The following CSMD1 variants were observed in gnomAD, a reference collection of about 807,000 sequenced individuals.
CSMD1 encodes CUB and sushi domain-containing protein 1.
In CSMD1, 213 loss-of-function variants were observed where a neutral mutation model predicts 417.5. That is an observed-to-expected ratio of 0.51 (90% CI 0.46 to 0.57). The LOEUF is 0.57. Among genes scored for constraint, CSMD1 ranks in the 20% least tolerant of loss-of-function variants. The probability of loss-of-function intolerance (pLI) is 0.00; values close to 1 mark genes in which losing one functional copy is unlikely to be tolerated. For missense variants in CSMD1, 6,923 were observed against 4,529.7 expected, an observed-to-expected ratio of 1.53 and a Z score of -15.17; for synonymous variants, 2,862 against 1,736.8, an observed-to-expected ratio of 1.65 and a Z score of -16.11.
chr8:4,738,156 T>C (rs1337208514), intron 1 of CSMD1, among the ~76,000 whole-genome samples: 3 of 152,118 alleles, frequency 2.0e-5, no homozygotes, highest in African/African-American at 7.2e-5. Context: ...AAACAGAATA[T>C]CAGGTTAGTT....
chr8:3,994,604 A>G (rs1372682749), intron 5 of CSMD1, among the ~76,000 whole-genome samples: 1 of 152,142 alleles, frequency 6.6e-6, no homozygotes, highest in Non-Finnish European at 1.5e-5. Context: ...AACCTGCATG[A>G]AATTAGAATC....
At chr8:4,109,362 T>C (rs1563135085) in intron 3 of CSMD1, among the ~76,000 whole-genome samples, 2 of 152,156 alleles carry the variant, frequency 1.3e-5, no homozygotes. Flanking sequence ...TCTTATTTCA[T>C]AGATTTACTG....
chr8:3,291,372 T>C (rs1803546969), intron 25 of CSMD1, among the ~76,000 whole-genome samples: 1 of 152,010 alleles, frequency 6.6e-6, no homozygotes, highest in Non-Finnish European at 1.5e-5. Flanking sequence ...CATCTTTTTC[T>C]TTTGATTGGA....
In CSMD1 at chr8:4,779,885, G is replaced by A. The variant is rs571221320; in HGVS notation, c.86-142327C>T. Reference sequence around the variant, plus strand: ...AACTGCTCCCCAGGCTTGCTGCTTCGGGGCCTTGCTTTTTCTTTTTTCTTT... The same window carrying A: ...AACTGCTCCCCAGGCTTGCTGCTTCAGGGCCTTGCTTTTTCTTTTTTCTTT... On this transcript the variant is annotated intron_variant, in intron 1 of 69. Transcript: ENST00000635120. 3.3e-5 allele frequency among the ~76,000 whole-genome samples: 5 copies of A among 152,098 alleles called. No homozygotes were observed. The South Asian group carries it at 6.2e-4, about 19-fold the overall frequency.
intron 3 of CSMD1, among the ~76,000 whole-genome samples, chr8:4,209,771 T>C (rs760284568): frequency 5.9e-5 from 9 of 152,314 alleles, no homozygotes; most frequent in South Asian, 2.1e-4. Flanking sequence ...CCATAGGCCA[T>C]GTGCCCAGAG....
chr8:4,750,084 C>T (rs1217731620), intron 1 of CSMD1, among the ~76,000 whole-genome samples: 5 of 152,158 alleles, frequency 3.3e-5, no homozygotes, highest in African/African-American at 4.8e-5. Flanking sequence ...CGGCTCACCG[C>T]AAGCTCCGCC....
At chr8:3,793,455 A>C (rs1799864588) in intron 5 of CSMD1, among the ~76,000 whole-genome samples, 1 of 150,934 alleles carries the variant, frequency 6.6e-6, no homozygotes, top group African/African-American at 2.4e-5. Flanking sequence ...CTTTCTAGTA[A>C]CTCCTGCCAT....
At chr8:3,282,812 A>G (rs1802839141) in intron 26 of CSMD1, among the ~76,000 whole-genome samples, 1 of 152,206 alleles carries the variant, frequency 6.6e-6, no homozygotes, top group South Asian at 2.1e-4. Context: ...TTAAAGCATT[A>G]AACTGACCTA....
chr8:4,069,722 C>T (rs117425519), intron 3 of CSMD1, among the ~76,000 whole-genome samples: 2,000 of 152,218 alleles, frequency 0.013, 23 homozygotes, highest in Non-Finnish European at 0.019. Context: ...CCACTAAACT[C>T]TAGGCACCTT....
At chr8:3,257,944 G>T (rs1800781601) in intron 26 of CSMD1, among the ~76,000 whole-genome samples, 2 of 152,166 alleles carry the variant, frequency 1.3e-5, no homozygotes, top group African/African-American at 4.8e-5. Context: ...TAGCCACTGT[G>T]TTCAGGACAG....
intron 2 of CSMD1, among the ~76,000 whole-genome samples, chr8:4,569,103 T>C (rs1798759778): frequency 6.6e-6 from 1 of 152,034 alleles, no homozygotes; most frequent in Non-Finnish European, 1.5e-5. Flanking sequence ...GTGATGATAG[T>C]TTTGTTTGTT....
chr8:3,307,609 G>C (rs1021788367), intron 25 of CSMD1, 86 bp downstream of exon 25: 9 of 1,394,692 alleles, frequency 6.5e-6, no homozygotes, highest in African/African-American at 1.4e-5. Context: ...TTTAACCATG[G>C]ATATTTGGTG....
chr8:4,350,187 T>C (rs917170804), intron 3 of CSMD1, among the ~76,000 whole-genome samples: 1 of 152,178 alleles, frequency 6.6e-6, no homozygotes, highest in Admixed American at 6.5e-5. Context: ...TCTCTTCTTT[T>C]TGCTGTACAA....
rs1432682734 is a variant in CSMD1 at position 3,755,007 on chromosome 8, G to C, written c.819-965C>G. Among the ~76,000 whole-genome samples the C allele has an allele frequency of 2.0e-5, 3 of 152,188 alleles. No homozygotes were observed. In the East Asian group the frequency reaches 5.8e-4, roughly 29 times the overall value. The stretch of plus-strand genomic sequence containing the variant: ...TAAGATGCAATCAATTTCTGGTTAA[G>C]CTGTTTAAAATATCCATTTCACTTT... On this transcript the variant is annotated intron_variant, in intron 5 of 69. Coordinates refer to ENST00000635120, the MANE Select transcript of CSMD1 (RefSeq NM_033225.6).
At chr8:4,124,643 G>A (rs906021582) in intron 3 of CSMD1, among the ~76,000 whole-genome samples, 1 of 152,210 alleles carries the variant, frequency 6.6e-6, no homozygotes, top group Non-Finnish European at 1.5e-5. Flanking sequence ...AAGGCCCAGT[G>A]TGAAAGTGAG....
chr8:4,412,041 A>G (rs1271126836), intron 3 of CSMD1, among the ~76,000 whole-genome samples: 1 of 151,792 alleles, frequency 6.6e-6, no homozygotes, highest in African/African-American at 2.4e-5. Flanking sequence ...GATTAGCTAA[A>G]TATCTCAATG....
intron 1 of CSMD1, among the ~76,000 whole-genome samples, chr8:4,890,180 A>G (rs934525551): frequency 2.0e-5 from 3 of 152,144 alleles, no homozygotes; most frequent in Non-Finnish European, 4.4e-5. Context: ...ATTTCTAGTC[A>G]TTTTAGTCAA....
intron 8 of CSMD1, among the ~76,000 whole-genome samples, chr8:3,587,734 T>G (rs989480884): frequency 6.6e-6 from 1 of 152,136 alleles, no homozygotes; most frequent in African/African-American, 2.4e-5. Flanking sequence ...TAAAGGGGCA[T>G]CTCATCTTAA....
intron 5 of CSMD1, among the ~76,000 whole-genome samples, chr8:3,969,901 AAAAC>A (rs544725325): frequency 2.8e-4 from 42 of 151,798 alleles, no homozygotes; most frequent in Non-Finnish European, 4.1e-4. Context: ...ATAATTTGCA[AAAAC>A]AAACAAACCA....
Sources: gnomAD v4.1 joint callset for allele counts (sites outside exome capture counted in the v4.1 genomes callset) on GRCh38, gnomAD v4.1.1 for gene constraint, MANE v1.5 for transcripts, NCBI Gene and HGNC (gene_info 2026-07-23, HGNC 2026-07-21) for gene names.